The following DRC11 variants were observed in gnomAD, a reference collection of about 807,000 sequenced individuals.
The protein encoded by DRC11 is IQ and AAA domain-containing protein 1.
At chr2:236,401,318 T>C in the DRC11 span, among the ~76,000 whole-genome samples, 1 of 152,160 alleles carries the variant, frequency 6.6e-6, no homozygotes, top group Non-Finnish European at 1.5e-5. This position sits in a 1 kb window ranked among gnomAD's most constrained non-coding sequence, Gnocchi z 4.6. Flanking sequence ...TTCTGATGAA[T>C]TCAGAGTCTG....
chr2:236,440,810 C>T, the DRC11 span, among the ~76,000 whole-genome samples: 17 of 152,056 alleles, frequency 1.1e-4, no homozygotes, highest in South Asian at 3.1e-3. Context: ...ACTAAGAAAA[C>T]GACCTTCACA....
chr2:236,323,235 G>T, the DRC11 span, among the ~76,000 whole-genome samples: 5 of 152,206 alleles, frequency 3.3e-5, no homozygotes, highest in Non-Finnish European at 7.3e-5. The surrounding 1 kb of genome is among the most constrained non-coding windows in gnomAD (Gnocchi z 6.4). Flanking sequence ...AAAGGATCTT[G>T]GCAGAACCAT....
At chr2:236,388,770 G>GT in the DRC11 span, among the ~76,000 whole-genome samples, 1 of 149,272 alleles carries the variant, frequency 6.7e-6, no homozygotes, top group Admixed American at 6.7e-5. Flanking sequence ...TTTCTGTTCT[G>GT]TTTTTTCCCC....
the DRC11 span, among the ~76,000 whole-genome samples, chr2:236,357,550 T>C: frequency 2.4e-5 from 3 of 125,272 alleles, no homozygotes; most frequent in East Asian, 7.0e-4. Flanking sequence ...TTATATATTA[T>C]TACATATTTA....
the DRC11 span, among the ~76,000 whole-genome samples, chr2:236,491,043 ACAG>A: frequency 4.4e-5 from 6 of 137,610 alleles, no homozygotes; most frequent in African/African-American, 1.8e-4. Context: ...ATATATATAT[ACAG>A]TATATATATA....
At chr2:236,400,111 C>A in the DRC11 span, among the ~76,000 whole-genome samples, 1 of 152,222 alleles carries the variant, frequency 6.6e-6, no homozygotes, top group Non-Finnish European at 1.5e-5. This position sits in a 1 kb window ranked among gnomAD's most constrained non-coding sequence, Gnocchi z 7.9. Context: ...GTTGCTGTAA[C>A]CAGCCCTTGG....
At chr2:236,312,652 A>G in the DRC11 span, among the ~76,000 whole-genome samples, 1 of 152,072 alleles carries the variant, frequency 6.6e-6, no homozygotes, top group Non-Finnish European at 1.5e-5. Context: ...GAAAAATAAC[A>G]GCAAGTTAAA....
At chr2:236,350,509 G>A in the DRC11 span, among the ~76,000 whole-genome samples, 1 of 152,198 alleles carries the variant, frequency 6.6e-6, no homozygotes, top group African/African-American at 2.4e-5. This position sits in a 1 kb window ranked among gnomAD's most constrained non-coding sequence, Gnocchi z 5.2. Flanking sequence ...CATCCTCACC[G>A]GACACATGCT....
At chr2:236,392,047 G>A in the DRC11 span, 1 of 1,613,950 alleles carries the variant, frequency 6.2e-7, no homozygotes, top group African/African-American at 1.3e-5. The surrounding 1 kb of genome is among the most constrained non-coding windows in gnomAD (Gnocchi z 5.1). Context: ...AAGTTTTTAA[G>A]TTCCTGTCTC....
the DRC11 span, chr2:236,407,778 A>ATTT: frequency 7.9e-6 from 2 of 251,720 alleles, no homozygotes; most frequent in East Asian, 1.0e-4. Context: ...TTCACTCCTC[A>ATTT]TTTTTTTTTT....
chr2:236,416,145 G>A, the DRC11 span, among the ~76,000 whole-genome samples: 4 of 152,132 alleles, frequency 2.6e-5, no homozygotes, highest in Non-Finnish European at 5.9e-5. Context: ...GAGGGAAGCA[G>A]CCCTGGGCAG....
the DRC11 span, among the ~76,000 whole-genome samples, chr2:236,357,246 GTATATATC>G: frequency 9.7e-6 from 1 of 103,342 alleles, no homozygotes; most frequent in Non-Finnish European, 1.7e-5. Context: ...TATTCATATA[GTATATATC>G]TATATATTAT....
chr2:236,410,060 C>T, the DRC11 span, among the ~76,000 whole-genome samples: 1 of 151,892 alleles, frequency 6.6e-6, no homozygotes, highest in South Asian at 2.1e-4. Flanking sequence ...GGATATTGGT[C>T]TAAAATTCTC....
the DRC11 span, among the ~76,000 whole-genome samples, chr2:236,336,834 G>C: frequency 3.3e-5 from 5 of 152,178 alleles, no homozygotes; most frequent in African/African-American, 1.2e-4. The surrounding 1 kb of genome is among the most constrained non-coding windows in gnomAD (Gnocchi z 7.3). Flanking sequence ...ATTCACACCC[G>C]TGTGTCCTCG....
chr2:236,494,787 G>A, the DRC11 span, among the ~76,000 whole-genome samples: 1 of 152,134 alleles, frequency 6.6e-6, no homozygotes, highest in African/African-American at 2.4e-5. The surrounding 1 kb of genome is among the most constrained non-coding windows in gnomAD (Gnocchi z 4.2). Flanking sequence ...GTATCCCCAT[G>A]ACTTCTGGGA....
the DRC11 span, chr2:236,407,927 T>C: frequency 2.0e-6 from 1 of 507,074 alleles, no homozygotes; most frequent in Admixed American, 2.1e-5. Context: ...TTCTCTTCCA[T>C]GGTCTGGGAG....
chr2:236,470,134 A>C, the DRC11 span, among the ~76,000 whole-genome samples: 1 of 152,198 alleles, frequency 6.6e-6, no homozygotes, highest in African/African-American at 2.4e-5. This position sits in a 1 kb window ranked among gnomAD's most constrained non-coding sequence, Gnocchi z 5.1. Context: ...ATGCTTATCT[A>C]ATGTTTGATG....
chr2:236,344,446 TC>T, the DRC11 span: 4 of 698,954 alleles, frequency 5.7e-6, no homozygotes, highest in Non-Finnish European at 7.5e-6. Context: ...CCCCAGTGTT[TC>T]CTTCCTCGCT....
the DRC11 span, among the ~76,000 whole-genome samples, chr2:236,389,524 C>A: frequency 2.0e-4 from 31 of 152,308 alleles, no homozygotes; most frequent in African/African-American, 7.5e-4. Flanking sequence ...CTTCGGCTCG[C>A]GACCGGTGCG....
Sources: allele counts gnomAD v4.1 joint callset (sites outside exome capture counted in the v4.1 genomes callset), GRCh38; gene constraint gnomAD v4.1.1; non-coding constraint Gnocchi (gnomAD v3.1); transcripts MANE v1.5; gene names NCBI Gene and HGNC (gene_info 2026-07-23, HGNC 2026-07-21).